The following DCC variants were observed in gnomAD, a reference collection of about 807,000 sequenced individuals.
DCC encodes netrin receptor DCC.
DCC carries 58 observed loss-of-function variants against 172.5 expected under a neutral mutation model. The observed-to-expected ratio is 0.34, with a 90% CI of 0.27 to 0.42. The LOEUF (loss-of-function observed/expected upper bound fraction) is 0.42. Among genes scored for constraint, DCC ranks in the 10% least tolerant of loss-of-function variants. DCC has a pLI of 1.00. For synonymous variants in DCC, 709 were observed against 644.5 expected (o/e 1.10, Z -1.52); for missense variants, 1,740 against 1,791.0 (o/e 0.97, Z 0.51).
intron 1 of DCC, among the ~76,000 whole-genome samples, chr18:52,682,319 C>G (rs929072505): frequency 1.2e-4 from 19 of 152,034 alleles, no homozygotes; most frequent in African/African-American, 4.6e-4. Flanking sequence ...GTGGGCAGAG[C>G]AACAACGAGA....
chr18:53,303,369 C>A (rs2057162686), intron 12 of DCC, among the ~76,000 whole-genome samples: 1 of 152,058 alleles, frequency 6.6e-6, no homozygotes. Flanking sequence ...GGATTTCATT[C>A]TTTGCATTAC....
At chr18:52,963,247 G>A (rs1002695852) in intron 5 of DCC, among the ~76,000 whole-genome samples, 30 of 151,252 alleles carry the variant, frequency 2.0e-4, no homozygotes, top group African/African-American at 6.5e-4. Flanking sequence ...AGATCTTTAA[G>A]TATTTTTATT....
In DCC at chr18:53,499,423, C is replaced by A; in HGVS notation, c.4024C>A (p.Leu1342Ile). 6.2e-7 allele frequency: 1 copy of A among 1,614,154 alleles called. No homozygotes were observed. The highest frequency in any genetic ancestry group is 8.5e-7 in the Non-Finnish European group (1 of 1,180,014). ...AGCTTGTGTTCGACCAACTCACCCA[C>A]TCCGCAGCTTTGCTAATCCTTTGCT... ...PTACVRPTHP[L>I]RSFANPLLPP... The change falls in exon 27 of 29, where the codon CTC (leucine) becomes ATC (isoleucine). Residue 1342 changes from leucine to isoleucine, a missense_variant. Leu to Ile is a conservative substitution (Grantham distance 5, BLOSUM62 2). Transcript: ENST00000442544.
chr18:53,137,418 T>G (rs764765713), intron 7 of DCC, among the ~76,000 whole-genome samples: 9 of 152,218 alleles, frequency 5.9e-5, no homozygotes, highest in Non-Finnish European at 1.3e-4. Context: ...CCTGGCCATG[T>G]AGCCTCTCCA....
intron 12 of DCC, among the ~76,000 whole-genome samples, chr18:53,274,051 A>G (rs556628522): frequency 6.6e-6 from 1 of 152,282 alleles, no homozygotes; most frequent in African/African-American, 2.4e-5. Context: ...AATTTTTCAA[A>G]TGTATTGAAA....
At chr18:52,346,057 T>G (rs976611373) in intron 1 of DCC, among the ~76,000 whole-genome samples, 1 of 152,210 alleles carries the variant, frequency 6.6e-6, no homozygotes, top group African/African-American at 2.4e-5. Flanking sequence ...AATAATATCA[T>G]AATATCAGTA....
intron 1 of DCC, among the ~76,000 whole-genome samples, chr18:52,591,677 G>C (rs2033802285): frequency 6.6e-6 from 1 of 151,850 alleles, no homozygotes; most frequent in Admixed American, 6.6e-5. Context: ...CGATCTCCTG[G>C]GCTCCAGCGA....
chr18:52,597,044 T>C (rs1324334519), intron 1 of DCC, among the ~76,000 whole-genome samples: 1 of 152,190 alleles, frequency 6.6e-6, no homozygotes, highest in Admixed American at 6.5e-5. Context: ...TGTTTCACCA[T>C]ATGTTCCCCT....
chr18:53,281,890 T>C (rs968611295), intron 12 of DCC, among the ~76,000 whole-genome samples: 1 of 151,860 alleles, frequency 6.6e-6, no homozygotes, highest in Non-Finnish European at 1.5e-5. Context: ...GATAGAATTA[T>C]AAAATCTTAT....
chr18:52,413,985 T>A (rs1986930075), intron 1 of DCC, among the ~76,000 whole-genome samples: 1 of 152,244 alleles, frequency 6.6e-6, no homozygotes, highest in Admixed American at 6.5e-5. Context: ...GCTATTTGTG[T>A]TTATCACACA....
chr18:53,043,906 G>A (rs1046689531), intron 5 of DCC, among the ~76,000 whole-genome samples: 1 of 151,804 alleles, frequency 6.6e-6, no homozygotes, highest in Non-Finnish European at 1.5e-5. Context: ...TTCCATTAAA[G>A]TACTGTTACT....
chr18:52,798,941 G>T (rs1183934734), intron 2 of DCC, among the ~76,000 whole-genome samples: 3 of 151,920 alleles, frequency 2.0e-5, no homozygotes, highest in Non-Finnish European at 4.4e-5. Context: ...TAGAGATGAG[G>T]TTTCACTATG....
At chr18:53,339,477 T>C (rs1234006575) in intron 14 of DCC, among the ~76,000 whole-genome samples, 1 of 152,210 alleles carries the variant, frequency 6.6e-6, no homozygotes, top group Admixed American at 6.5e-5. Context: ...GATGCATTGA[T>C]GCTACCTACC....
intron 2 of DCC, among the ~76,000 whole-genome samples, chr18:52,870,544 G>A (rs1020846872): frequency 3.3e-5 from 5 of 152,126 alleles, no homozygotes; most frequent in Admixed American, 2.0e-4. Flanking sequence ...TCCGGAGGCC[G>A]TAGGATTCAC....
intron 1 of DCC, among the ~76,000 whole-genome samples, chr18:52,515,379 G>A (rs762627242): frequency 1.6e-4 from 24 of 151,862 alleles, no homozygotes; most frequent in Non-Finnish European, 2.4e-4. Context: ...AGGCCCAGGC[G>A]GGTGGATCAC....
chr18:53,129,230 A>T (rs1311452115), intron 7 of DCC, among the ~76,000 whole-genome samples: 1 of 151,914 alleles, frequency 6.6e-6, no homozygotes, highest in Non-Finnish European at 1.5e-5. Flanking sequence ...TATCTTTTAG[A>T]TGTTATCTAT....
chr18:52,548,776 T>C (rs1052694458), intron 1 of DCC, among the ~76,000 whole-genome samples: 9 of 152,124 alleles, frequency 5.9e-5, no homozygotes, highest in Non-Finnish European at 2.9e-5. Context: ...TCTCAAATTC[T>C]GGAGAAATTT....
chr18:52,770,935 T>C (rs2037331078), intron 2 of DCC, among the ~76,000 whole-genome samples: 1 of 152,240 alleles, frequency 6.6e-6, no homozygotes, highest in South Asian at 2.1e-4. Context: ...TTTCGTTTTC[T>C]ATACATGGTT....
Position 52,904,674 on chromosome 18 carries a change from G to A in DCC, c.413-1370G>A, listed in dbSNP as rs368482889. The stretch of plus-strand genomic sequence containing the variant: ...AAATTTAAACCTGGACCTGGGGAAT[G>A]TTGACTTAAATCTATAAAATAAAAA... On this transcript the variant is annotated intron_variant, in intron 2 of 28. Coordinates refer to ENST00000442544, the MANE Select transcript of DCC (RefSeq NM_005215.4). Among the ~76,000 whole-genome samples the A allele has an allele frequency of 2.8e-4, 43 of 152,314 alleles. 1 individual carries two copies. Among genetic ancestry groups the A allele is most frequent in the African/African-American group, 9.9e-4 (41 of 41,582 alleles).
Sources: gnomAD v4.1 joint callset for allele counts (sites outside exome capture counted in the v4.1 genomes callset) on GRCh38, gnomAD v4.1.1 for gene constraint, MANE v1.5 for transcripts, NCBI Gene and HGNC (gene_info 2026-07-23, HGNC 2026-07-21) for gene names.